The following DDX60L variants were observed in gnomAD, a reference collection of about 807,000 sequenced individuals.
The protein encoded by DDX60L is DExD/H-box 60 like.
DDX60L carries 191 observed loss-of-function variants against 211.6 expected under a neutral mutation model. The ratio of observed to expected loss-of-function variants is 0.90; its 90% confidence interval spans 0.80 to 1.02. The LOEUF (loss-of-function observed/expected upper bound fraction) is 1.02. DDX60L is among the 50% of genes least tolerant of loss of function. DDX60L has a pLI of 0.00. For missense variants in DDX60L, 2,007 were observed against 1,984.1 expected (o/e 1.01, Z -0.22); for synonymous variants, 706 against 694.1 (o/e 1.02, Z -0.27).
At chr4:168,391,940 G>T (rs1158576102) in intron 28 of DDX60L, among the ~76,000 whole-genome samples, 1 of 151,988 alleles carries the variant, frequency 6.6e-6, no homozygotes, top group African/African-American at 2.4e-5. Context: ...CTGCACCATC[G>T]TTTCTAAAAT....
chr4:168,471,042 A>T (rs541410304), intron 4 of DDX60L, among the ~76,000 whole-genome samples: 78 of 152,330 alleles, frequency 5.1e-4, no homozygotes, highest in African/African-American at 1.6e-3. Context: ...CACGTGCCAA[A>T]GATCGTTAAA....
At chr4:168,477,461 G>A (rs1037129162) in intron 1 of DDX60L, among the ~76,000 whole-genome samples, 1 of 151,384 alleles carries the variant, frequency 6.6e-6, no homozygotes. Flanking sequence ...TAATGGTATA[G>A]TGCTATCGTT....
chr4:168,399,808 C>T (rs1329632913), intron 26 of DDX60L, among the ~76,000 whole-genome samples: 1 of 152,126 alleles, frequency 6.6e-6, no homozygotes, highest in Middle Eastern at 3.2e-3. Context: ...GAAGTCCTAC[C>T]CCAAGCATAC....
chr4:168,421,341 A>C (rs1750567893), intron 17 of DDX60L, among the ~76,000 whole-genome samples: 1 of 152,218 alleles, frequency 6.6e-6, no homozygotes, highest in Non-Finnish European at 1.5e-5. Context: ...AAATATTAAC[A>C]TATGAGATGA....
chr4:168,435,544 T>C (rs559663783), intron 10 of DDX60L, among the ~76,000 whole-genome samples: 1 of 152,250 alleles, frequency 6.6e-6, no homozygotes, highest in Non-Finnish European at 1.5e-5. Flanking sequence ...GTTCCAGAGG[T>C]GGTTTCATTG....
chr4:168,478,484 T>C (rs1037330116), intron 1 of DDX60L, among the ~76,000 whole-genome samples: 4 of 152,138 alleles, frequency 2.6e-5, no homozygotes, highest in African/African-American at 4.8e-5. Context: ...TTAAAAATGG[T>C]TACATCAGTA....
intron 36 of DDX60L, among the ~76,000 whole-genome samples, chr4:168,368,117 C>T (rs2684361): frequency 0.7 from 106,256 of 152,204 alleles, 38,966 homozygotes; most frequent in East Asian, 0.85. Flanking sequence ...CCCAAGACAA[C>T]GGGGTAAATG....
chr4:168,407,842 A>T (rs887780713), intron 22 of DDX60L, among the ~76,000 whole-genome samples: 1 of 152,324 alleles, frequency 6.6e-6, no homozygotes, highest in Non-Finnish European at 1.5e-5. Context: ...TCTTGTCTAT[A>T]ATATGAGAAT....
At chr4:168,369,671 G>T (rs1906759) in intron 36 of DDX60L, among the ~76,000 whole-genome samples, 125,118 of 151,974 alleles carry the variant, frequency 0.82, 51,668 homozygotes, top group African/African-American at 0.88. Context: ...GAAAAATATC[G>T]ACACACTATA....
chr4:168,391,606 G>A lies in DDX60L; in HGVS notation c.3849C>T (p.His1283=). The A allele has an allele frequency of 1.9e-6, 3 of 1,601,202 alleles. No homozygotes were observed. Among genetic ancestry groups the A allele is most frequent in the Non-Finnish European group, 1.7e-6 (2 of 1,173,096 alleles). Residue 1283 remains histidine, a synonymous_variant, in exon 29 of 38, where the codon CAC becomes CAT. Transcript: ENST00000682922. ...CAAAAACAACAGATTTGCATGGCATGTGGATCCCTAAGGCAAGTGTTTCAG... is the reference window on the plus strand; with the variant it reads ...CAAAAACAACAGATTTGCATGGCATATGGATCCCTAAGGCAAGTGTTTCAG... ...TATETLALGI[H]MPCKSVVFAQ...
chr4:168,472,784 G>GTAGCCATTTTAGA lies in DDX60L; in HGVS notation c.-86_-85insTCTAAAATGGCTA. 6.8e-7 allele frequency: 1 copy of GTAGCCATTTTAGA among 1,476,462 alleles called. No individual in the cohort carries two copies. Among genetic ancestry groups the GTAGCCATTTTAGA allele is most frequent in the Non-Finnish European group, 9.4e-7 (1 of 1,068,940 alleles). 91.5% of individuals were successfully genotyped at this position (1,476,462 alleles called of 1,614,324 possible). Reference sequence around the variant, plus strand: ...TGATTTATTTTGACACCTCTAAAATGGCTACATTTGATGTGAATGGCACCT... The same window carrying GTAGCCATTTTAGA: ...TGATTTATTTTGACACCTCTAAAATGTAGCCATTTTAGAGCTACATTTGATGTGAATGGCACCT... On this transcript the variant is annotated 5_prime_UTR_variant, in exon 2 of 38. It adds an upstream start codon to the 5' untranslated region. Coordinates refer to ENST00000682922, the MANE Select transcript of DDX60L (RefSeq NM_001012967.3).
intron 10 of DDX60L, among the ~76,000 whole-genome samples, chr4:168,438,129 T>C (rs1753322749): frequency 6.6e-6 from 1 of 152,184 alleles, no homozygotes; most frequent in Non-Finnish European, 1.5e-5. Flanking sequence ...TGCCTCGGCC[T>C]CCCAAAGTGC....
At chr4:168,365,022 G>T (rs1014092731) in intron 36 of DDX60L, among the ~76,000 whole-genome samples, 9 of 152,020 alleles carry the variant, frequency 5.9e-5, no homozygotes, top group African/African-American at 2.2e-4. Flanking sequence ...ATGGAACACA[G>T]AAAAAGCAGT....
chr4:168,422,526 G>A lies in DDX60L; in HGVS notation c.2242C>T (p.Gln748Ter), dbSNP rs754331979. The change falls in exon 16 of 38, where the codon CAG becomes TAG. Residue 748 changes from glutamine (Q) to a stop codon, truncating the protein, a stop_gained and splice_region_variant. Transcript: ENST00000682922. LOFTEE classifies it high-confidence loss of function. The part of the protein sequence containing the change: ...RVQDFIPNAW[Q>*]QELLDVVDKN... The stretch of plus-strand genomic sequence containing the variant: ...AGTACAATGTTTGTTGTCATTACCT[G>A]CCATGCGTTGGGAATAAAATCCTGG... The A allele has an allele frequency of 9.9e-6, 16 of 1,608,428 alleles. No homozygotes were observed. The highest frequency in any genetic ancestry group is 1.3e-5 in the Non-Finnish European group (15 of 1,178,320).
In DDX60L at chr4:168,456,168, T is replaced by G. The variant is rs897669362; in HGVS notation, c.724-16A>C. 1.4e-6 allele frequency: 2 copies of G among 1,444,018 alleles called. No homozygotes were observed. The highest frequency in any genetic ancestry group is 2.9e-5 in the African/African-American group (2 of 68,154). The allele number at this position is 1,444,018 out of a possible 1,614,324, so 89.5% of individuals were successfully genotyped here. On this transcript the variant is annotated splice_polypyrimidine_tract_variant and intron_variant, in intron 6 of 37. Coordinates refer to ENST00000682922, the MANE Select transcript of DDX60L (RefSeq NM_001012967.3). ...TCTGATACGCCTATCAAAAAAGAAA[T>G]TTCTTCAAATGTCAAATTATTTAGA...
chr4:168,434,004 T>G (rs558738596), intron 10 of DDX60L, among the ~76,000 whole-genome samples: 2 of 152,194 alleles, frequency 1.3e-5, no homozygotes, highest in African/African-American at 2.4e-5. Context: ...TGTGGAGAAG[T>G]CTGCTAGCAA....
chr4:168,406,683 A>G lies in DDX60L; in HGVS notation c.3003T>C (p.Pro1001=). The change falls in exon 23 of 38, where the codon CCT becomes CCC. Residue 1001 remains proline, a synonymous_variant. Transcript: ENST00000682922. Reference sequence around the variant, plus strand: ...TTTCTTGAGGGGTGAGGGTAAGATCAGGTGGGAATCCATACTTTTCAATCT... The same window carrying G: ...TTTCTTGAGGGGTGAGGGTAAGATCGGGTGGGAATCCATACTTTTCAATCT... ...TDIIEKYGFP[P]DLTLTPQESI... 6.2e-7 allele frequency: 1 copy of G among 1,602,242 alleles called. No individual in the cohort carries two copies. Among genetic ancestry groups the G allele is most frequent in the Non-Finnish European group, 8.5e-7 (1 of 1,175,386 alleles).
At chr4:168,451,249 T>C (rs996155255) in intron 8 of DDX60L, among the ~76,000 whole-genome samples, 1 of 152,236 alleles carries the variant, frequency 6.6e-6, no homozygotes, top group East Asian at 1.9e-4. Context: ...GAACCACTCA[T>C]GGGCTGATGT....
At chr4:168,439,690 G>T (rs554582417) in intron 10 of DDX60L, among the ~76,000 whole-genome samples, 27 of 152,214 alleles carry the variant, frequency 1.8e-4, no homozygotes, top group African/African-American at 6.3e-4. Flanking sequence ...AAATGCAAAG[G>T]ATTCAGAATA....
Sources: gnomAD v4.1 joint callset for allele counts (sites outside exome capture counted in the v4.1 genomes callset) on GRCh38, gnomAD v4.1.1 for gene constraint, MANE v1.5 for transcripts, NCBI Gene and HGNC (gene_info 2026-07-23, HGNC 2026-07-21) for gene names.